Variants in WWOX observed in about 807,000 individuals in gnomAD.
WWOX encodes WW domain containing oxidoreductase, also known as WW domain-containing oxidoreductase.
WWOX carries 69 observed loss-of-function variants against 46.2 expected under a neutral mutation model. That is an observed-to-expected ratio of 1.49 (90% CI 1.23 to 1.82). The LOEUF (loss-of-function observed/expected upper bound fraction) is 1.82. WWOX is among the 40% of genes most tolerant of loss of function. The pLI is 0.00. For synonymous variants in WWOX, 359 were observed against 202.6 expected, an observed-to-expected ratio of 1.77 and a Z score of -6.56; for missense variants, 919 against 542.6, an observed-to-expected ratio of 1.69 and a Z score of -6.89.
At chr16:78,589,641 A>G (rs1464301499) in intron 8 of WWOX, among the ~76,000 whole-genome samples, 6 of 152,240 alleles carry the variant, frequency 3.9e-5, no homozygotes, top group Non-Finnish European at 7.3e-5. Flanking sequence ...CGGTAAAGGC[A>G]TAAAGATAGC....
At chr16:78,788,120 C>G (rs532866411) in intron 8 of WWOX, among the ~76,000 whole-genome samples, 1 of 152,066 alleles carries the variant, frequency 6.6e-6, no homozygotes, top group Non-Finnish European at 1.5e-5. Context: ...TTTATAGTGT[C>G]TTTTGATGAA....
intron 8 of WWOX, among the ~76,000 whole-genome samples, chr16:79,170,628 A>G (rs2050682003): frequency 6.6e-6 from 1 of 151,920 alleles, no homozygotes; most frequent in South Asian, 2.1e-4. Flanking sequence ...AACCACACAA[A>G]TTAAAAAATG....
At chr16:78,332,120 C>T (rs1173506201) in intron 5 of WWOX, among the ~76,000 whole-genome samples, 1 of 152,078 alleles carries the variant, frequency 6.6e-6, no homozygotes, top group Non-Finnish European at 1.5e-5. Flanking sequence ...TTTGGGTGTC[C>T]TGTGTTTGTA....
intron 8 of WWOX, among the ~76,000 whole-genome samples, chr16:78,634,873 T>TGTGC (rs1491316806): frequency 4.5e-4 from 64 of 140,836 alleles, no homozygotes; most frequent in Admixed American, 8.5e-4. Flanking sequence ...TGTGTGTGTG[T>TGTGC]GCGCGTGCAT....
At chr16:78,595,491 T>C (rs1438700177) in intron 8 of WWOX, among the ~76,000 whole-genome samples, 6 of 152,202 alleles carry the variant, frequency 3.9e-5, no homozygotes, top group Non-Finnish European at 2.9e-5. Context: ...TACTCACTCA[T>C]GACTTCACGT....
chr16:78,428,863 A>G (rs2083149804), intron 7 of WWOX, among the ~76,000 whole-genome samples: 1 of 152,198 alleles, frequency 6.6e-6, no homozygotes, highest in African/African-American at 2.4e-5. Context: ...CAGAAACCAA[A>G]AGCCCTAAAC....
intron 5 of WWOX, among the ~76,000 whole-genome samples, chr16:78,351,201 A>T (rs1410783152): frequency 1.3e-5 from 2 of 152,230 alleles, no homozygotes; most frequent in Non-Finnish European, 1.5e-5. Context: ...CTTCTGGTTC[A>T]GAGGAAAGAT....
chr16:78,737,568 CT>C (rs1300004539), intron 8 of WWOX, among the ~76,000 whole-genome samples: 1 of 152,114 alleles, frequency 6.6e-6, no homozygotes, highest in South Asian at 2.1e-4. Flanking sequence ...AATATGTAGT[CT>C]TTTATTCCTC....
rs530716765 is a variant in WWOX at position 78,252,440 on chromosome 16, A to G, written c.516+88151A>G. Among the ~76,000 whole-genome samples the G allele has an allele frequency of 4.6e-5, 7 of 152,364 alleles. No homozygotes were observed. The South Asian group carries it at 1.5e-3, about 32-fold the overall frequency. On this transcript the variant is annotated intron_variant, in intron 5 of 8. Transcript: ENST00000566780. ...AAAAACTACGTGGGTATGTATATACATACAGACACACACACTTCTTCACCA... is the reference window on the plus strand; with the variant it reads ...AAAAACTACGTGGGTATGTATATACGTACAGACACACACACTTCTTCACCA...
intron 8 of WWOX, among the ~76,000 whole-genome samples, chr16:78,997,080 A>C (rs185781910): frequency 1.3e-5 from 2 of 152,088 alleles, no homozygotes; most frequent in South Asian, 4.2e-4. Flanking sequence ...AAGGCATCAT[A>C]CCATCTGCTT....
Position 78,414,195 on chromosome 16 carries a change from A to G in WWOX, c.606-10675A>G, listed in dbSNP as rs112219433. ...CTGTAATTTTCCACTACCCACCCAA[A>G]TCCTGTAAAACTGCCCTACACCTAT... On this transcript the variant is annotated intron_variant, in intron 6 of 8. Transcript: ENST00000566780. Among the ~76,000 whole-genome samples, 1,484 of 151,558 alleles carry G rather than the reference A, an allele frequency of 9.8e-3. 23 individuals carry two copies. Among genetic ancestry groups the G allele is most frequent in the African/African-American group, 0.033 (1,349 of 41,276 alleles).
intron 1 of WWOX, among the ~76,000 whole-genome samples, chr16:78,100,511 C>T (rs998104722): frequency 2.6e-5 from 4 of 152,236 alleles, no homozygotes; most frequent in Non-Finnish European, 5.9e-5. Context: ...GCCTCAGCCT[C>T]CAGAATTGAG....
chr16:78,122,047 C>T (rs531152430), intron 4 of WWOX, among the ~76,000 whole-genome samples: 22 of 152,130 alleles, frequency 1.4e-4, no homozygotes, highest in African/African-American at 5.3e-4. Flanking sequence ...TGTGAGAGAC[C>T]ACATTTACAT....
intron 8 of WWOX, among the ~76,000 whole-genome samples, chr16:78,685,902 AAAAAAG>A (rs907885535): frequency 1.3e-4 from 7 of 52,926 alleles, no homozygotes; most frequent in African/African-American, 1.7e-4. Context: ...GAAAAAAAAC[AAAAAAG>A]AAAAAGAAAA....
chr16:78,562,748 G>A (rs375771578), intron 8 of WWOX, among the ~76,000 whole-genome samples: 1 of 152,190 alleles, frequency 6.6e-6, no homozygotes, highest in Non-Finnish European at 1.5e-5. Flanking sequence ...CAAGCTAGGA[G>A]TTAAGATCTT....
chr16:78,702,131 T>TATATATATATATATATTTA (rs2048238118), intron 8 of WWOX, among the ~76,000 whole-genome samples: 1 of 141,526 alleles, frequency 7.1e-6, no homozygotes, highest in African/African-American at 2.7e-5. Flanking sequence ...TATTTATTTA[T>TATATATATATATATATTTA]TTTCAAGACA....
chr16:78,755,762 G>C (rs987410040), intron 8 of WWOX, among the ~76,000 whole-genome samples: 2 of 152,126 alleles, frequency 1.3e-5, no homozygotes, highest in Non-Finnish European at 2.9e-5. Context: ...CTGAAAAGGG[G>C]CATGGGGATA....
intron 8 of WWOX, among the ~76,000 whole-genome samples, chr16:78,644,227 G>C (rs1243084804): frequency 6.6e-6 from 1 of 150,878 alleles, no homozygotes; most frequent in East Asian, 1.9e-4. Context: ...TCTCAAAAAT[G>C]AATGAATGAA....
Position 78,633,865 on chromosome 16 carries a change from C to G in WWOX, c.1056+201113C>G, listed in dbSNP as rs1183079098. On this transcript the variant is annotated intron_variant, in intron 8 of 8. Transcript: ENST00000566780. The stretch of plus-strand genomic sequence containing the variant: ...TCCTTCCCACTCACATGTAGGTCAC[C>G]TACGGGAGCAGGGGAGGAACCATCT... 7.9e-5 allele frequency among the ~76,000 whole-genome samples: 12 copies of G among 151,650 alleles called. No individual in the cohort carries two copies. The East Asian group carries it at 2.3e-3, about 29-fold the overall frequency.
Sources: gnomAD v4.1 joint callset for allele counts (sites outside exome capture counted in the v4.1 genomes callset) on GRCh38, gnomAD v4.1.1 for gene constraint, MANE v1.5 for transcripts, NCBI Gene and HGNC (gene_info 2026-07-23, HGNC 2026-07-21) for gene names.